The following CCDC192 variants were observed in gnomAD, a reference collection of about 807,000 sequenced individuals.
The protein encoded by CCDC192 is coiled-coil domain containing 192.
chr5:127,863,178 A>G (rs1012164185), intron 5 of CCDC192, among the ~76,000 whole-genome samples: 1 of 152,228 alleles, frequency 6.6e-6, no homozygotes, highest in Non-Finnish European at 1.5e-5. Context: ...GGAAAAGGCA[A>G]GTATTGTAAT....
intron 5 of CCDC192, among the ~76,000 whole-genome samples, chr5:127,844,063 A>T (rs1320844332): frequency 6.6e-6 from 1 of 152,252 alleles, no homozygotes; most frequent in Non-Finnish European, 1.5e-5. Flanking sequence ...AAAATAAACA[A>T]CATCATCCCT....
rs925791230 is a variant in CCDC192, at chr5:127,817,166, C to T, written c.411+19004C>T. Among the ~76,000 whole-genome samples, 7 of 152,186 alleles carry T rather than the reference C, an allele frequency of 4.6e-5. No homozygotes were observed. In the East Asian group the frequency reaches 1.2e-3, roughly 25 times the overall value. On this transcript the variant is annotated intron_variant, in intron 5 of 6. Transcript: ENST00000514853. ...CAGTTGGTGGCTTACAGGTACAGTG[C>T]CTTGGAGGAAATAGTGACACCCTAA...
intron 5 of CCDC192, among the ~76,000 whole-genome samples, chr5:127,833,154 C>T (rs894052588): frequency 1.6e-4 from 25 of 152,168 alleles, no homozygotes; most frequent in African/African-American, 4.8e-4. Context: ...TTTCTCATTT[C>T]GCAGTCCTGC....
intron 5 of CCDC192, among the ~76,000 whole-genome samples, chr5:127,861,154 A>T (rs1459698141): frequency 1.3e-5 from 2 of 151,822 alleles, no homozygotes; most frequent in South Asian, 4.2e-4. Flanking sequence ...GATTACAGGC[A>T]TGTGCCACCA....
chr5:127,885,346 T>G (rs1035178902), intron 6 of CCDC192, among the ~76,000 whole-genome samples: 2 of 152,228 alleles, frequency 1.3e-5, no homozygotes, highest in Non-Finnish European at 2.9e-5. Flanking sequence ...CCAGGATATT[T>G]GCAGAACAGT....
chr5:127,895,990 T>C lies in CCDC192; in HGVS notation c.535+20329T>C, dbSNP rs533249954. Among the ~76,000 whole-genome samples the C allele has an allele frequency of 9.5e-4, 144 of 152,352 alleles. 1 individual carries two copies. The highest frequency in any genetic ancestry group is 1.4e-3 in the Non-Finnish European group (98 of 68,038). On this transcript the variant is annotated intron_variant, in intron 6 of 6. Coordinates refer to ENST00000514853, the MANE Select transcript of CCDC192 (RefSeq NM_001317938.2). ...TCTAAATTGGCTTTATTTGAATCTT[T>C]AATGTTAACATACATAAGAGTCCAC...
At chr5:127,920,498 C>T (rs1753680692) in intron 6 of CCDC192, among the ~76,000 whole-genome samples, 2 of 150,568 alleles carry the variant, frequency 1.3e-5, no homozygotes, top group Admixed American at 1.3e-4. Flanking sequence ...AACCTCTGCC[C>T]TCCTGGGTTC....
intron 3 of CCDC192, among the ~76,000 whole-genome samples, chr5:127,789,225 G>A (rs1474029404): frequency 1.3e-5 from 2 of 152,200 alleles, no homozygotes; most frequent in African/African-American, 4.8e-5. Context: ...TGAGCTTCAG[G>A]CTTTAAAAAG....
intron 5 of CCDC192, among the ~76,000 whole-genome samples, chr5:127,861,582 G>A (rs1179882430): frequency 6.6e-6 from 1 of 152,038 alleles, no homozygotes; most frequent in African/African-American, 2.4e-5. Flanking sequence ...TTGAACCTGA[G>A]AGGTGGAGGT....
chr5:127,827,383 A>G lies in CCDC192; in HGVS notation c.411+29221A>G, dbSNP rs576914880. On this transcript the variant is annotated intron_variant, in intron 5 of 6. Coordinates refer to ENST00000514853, the MANE Select transcript of CCDC192 (RefSeq NM_001317938.2). ...TTCCAGCATTTGCTTTTCTTGGGCC[A>G]CACAAAATATCCACCGTGTCCTTCG... 3.3e-5 allele frequency among the ~76,000 whole-genome samples: 5 copies of G among 152,314 alleles called. No individual in the cohort carries two copies. The South Asian group carries it at 8.3e-4, about 25-fold the overall frequency.
intron 5 of CCDC192, among the ~76,000 whole-genome samples, chr5:127,832,089 A>G: frequency 6.6e-6 from 1 of 152,188 alleles, no homozygotes; most frequent in East Asian, 1.9e-4. Context: ...AAAAATAACC[A>G]AAGTTATGAG....
chr5:127,711,968 A>T (rs1751361095), intron 2 of CCDC192, among the ~76,000 whole-genome samples: 1 of 152,066 alleles, frequency 6.6e-6, no homozygotes, highest in African/African-American at 2.4e-5. Context: ...CTACCACCAC[A>T]ATCAGGATAA....
At chr5:127,820,722 A>G (rs754325310) in intron 5 of CCDC192, among the ~76,000 whole-genome samples, 4 of 152,020 alleles carry the variant, frequency 2.6e-5, no homozygotes, top group Non-Finnish European at 5.9e-5. Context: ...ATTTTTTTTA[A>G]GTTGATTTTT....
At chr5:127,860,175 T>C (rs1287924992) in intron 5 of CCDC192, among the ~76,000 whole-genome samples, 1 of 152,146 alleles carries the variant, frequency 6.6e-6, no homozygotes, top group African/African-American at 2.4e-5. Flanking sequence ...TATATCTATT[T>C]CCCCCACAAG....
intron 3 of CCDC192, among the ~76,000 whole-genome samples, chr5:127,783,415 G>T (rs772587596): frequency 6.6e-6 from 1 of 152,160 alleles, no homozygotes; most frequent in African/African-American, 2.4e-5. Flanking sequence ...TAATTTCCAT[G>T]TATTTGCATG....
At chr5:127,907,735 TAAC>T (rs1753239387) in intron 6 of CCDC192, among the ~76,000 whole-genome samples, 1 of 152,226 alleles carries the variant, frequency 6.6e-6, no homozygotes, top group South Asian at 2.1e-4. Context: ...GTAGCTCACA[TAAC>T]AAGATTTATT....
chr5:127,891,685 C>T (rs985158421), intron 6 of CCDC192, among the ~76,000 whole-genome samples: 1 of 152,176 alleles, frequency 6.6e-6, no homozygotes, highest in African/African-American at 2.4e-5. Context: ...TTTGATGCCT[C>T]ATTTCTCAGT....
chr5:127,777,112 G>C (rs1313824852), intron 3 of CCDC192, among the ~76,000 whole-genome samples: 1 of 152,150 alleles, frequency 6.6e-6, no homozygotes, highest in Non-Finnish European at 1.5e-5. Flanking sequence ...CTTACATCCT[G>C]TGCCTGGAAA....
rs569202440 is a variant in CCDC192, at chr5:127,907,487, ATTAT to A, written c.535+31833_535+31836del. On this transcript the variant is annotated intron_variant, in intron 6 of 6. Transcript: ENST00000514853. ...ATTTTAGATATAAAAAACTATTCTA[ATTAT>A]TTATTTCCTTTCTCAACAGAGAGAC... Among the ~76,000 whole-genome samples the A allele has an allele frequency of 1.8e-4, 28 of 151,936 alleles. No individual in the cohort carries two copies. The South Asian group carries it at 2.1e-3, about 11-fold the overall frequency.
Sources: allele counts gnomAD v4.1 joint callset (sites outside exome capture counted in the v4.1 genomes callset), GRCh38; gene constraint gnomAD v4.1.1; transcripts MANE v1.5; gene names NCBI Gene and HGNC (gene_info 2026-07-23, HGNC 2026-07-21).